SESTD1: variants seen among roughly 807,000 people sequenced by gnomAD.
The protein encoded by SESTD1 is SEC14 and spectrin domain containing 1.
SESTD1 carries 43 observed loss-of-function variants against 101.7 expected under a neutral mutation model. That is an observed-to-expected ratio of 0.42 (90% CI 0.33 to 0.55). SESTD1 has a LOEUF of 0.55. Among genes scored for constraint, SESTD1 ranks in the 20% least tolerant of loss-of-function variants. The pLI is 0.07. For missense variants in SESTD1, 647 were observed against 815.1 expected, an observed-to-expected ratio of 0.79 and a Z score of 2.51; for synonymous variants, 283 against 286.8, an observed-to-expected ratio of 0.99 and a Z score of 0.13.
chr2:179,202,034 T>C (rs2046525488), intron 1 of SESTD1, among the ~76,000 whole-genome samples: 1 of 131,716 alleles, frequency 7.6e-6, no homozygotes, highest in South Asian at 2.9e-4. Context: ...TAAGAAGGTT[T>C]GTAAAGGGAA....
At chr2:179,192,909 T>C (rs185981561) in intron 1 of SESTD1, among the ~76,000 whole-genome samples, 6 of 152,300 alleles carry the variant, frequency 3.9e-5, no homozygotes, top group Non-Finnish European at 8.8e-5. Flanking sequence ...GAGCAGTTCC[T>C]TGAAGTACAC....
At chr2:179,219,129 G>A (rs1250396276) in intron 1 of SESTD1, among the ~76,000 whole-genome samples, 3 of 152,158 alleles carry the variant, frequency 2.0e-5, no homozygotes, top group Non-Finnish European at 4.4e-5. Context: ...AGAACAGCAA[G>A]TTCTTGGTGG....
In SESTD1 at chr2:179,210,736, A is replaced by C. The variant is rs529050059; in HGVS notation, c.-25-18870T>G. 7.4e-5 allele frequency among the ~76,000 whole-genome samples: 10 copies of C among 134,928 alleles called. 3 individuals are homozygous for C. In the South Asian group the frequency reaches 2.8e-3, roughly 38 times the overall value. 88.5% of individuals were successfully genotyped at this position (134,928 alleles called of 152,430 possible). On this transcript the variant is annotated intron_variant, in intron 1 of 17. Coordinates refer to ENST00000428443, the MANE Select transcript of SESTD1 (RefSeq NM_178123.5). Reference sequence around the variant, plus strand: ...ACCCACAGCCAACATTATACTGAACAGGGAAAACTTGAAAGCATTCCCCCT... The same window carrying C: ...ACCCACAGCCAACATTATACTGAACCGGGAAAACTTGAAAGCATTCCCCCT...
In SESTD1 at chr2:179,104,970, T is replaced by A. The variant is rs1337407702; in HGVS notation, c.*4929A>T. ...TTTAAAATTCTGCAGTAATGTTGAG[T>A]CATATTAAGTGTCATACCCATGAAC... On this transcript the variant is annotated 3_prime_UTR_variant, in exon 18 of 18. Coordinates refer to ENST00000428443, the MANE Select transcript of SESTD1 (RefSeq NM_178123.5). 6.6e-6 allele frequency: 1 copy of A among 152,056 alleles called. No homozygotes were observed. The highest frequency in any genetic ancestry group is 2.4e-5 in the African/African-American group (1 of 41,400). 9.4% of individuals were successfully genotyped at this position (152,056 alleles called of 1,614,324 possible).
intron 5 of SESTD1, among the ~76,000 whole-genome samples, chr2:179,159,478 G>A (rs903491267): frequency 3.3e-5 from 5 of 152,118 alleles, no homozygotes; most frequent in Non-Finnish European, 4.4e-5. Flanking sequence ...TTTGCAGGGC[G>A]GGATTTAGGC....
At chr2:179,180,114 A>G (rs2046081619) in intron 3 of SESTD1, among the ~76,000 whole-genome samples, 1 of 152,192 alleles carries the variant, frequency 6.6e-6, no homozygotes, top group African/African-American at 2.4e-5. Flanking sequence ...TCTGAAACAC[A>G]AAACAAACTT....
intron 10 of SESTD1, 93 bp downstream of exon 10, chr2:179,132,211 A>C (rs1268378165): frequency 1.4e-6 from 2 of 1,397,762 alleles, no homozygotes; most frequent in Non-Finnish European, 1.9e-6. Context: ...CCCATACCAA[A>C]GTTTGCAGCA....
At chr2:179,131,597 G>C (rs1162839869) in intron 10 of SESTD1, among the ~76,000 whole-genome samples, 1 of 152,108 alleles carries the variant, frequency 6.6e-6, no homozygotes, top group African/African-American at 2.4e-5. Context: ...CTTAGGGAGA[G>C]GGGGGTGAGC....
chr2:179,229,768 T>TATATATATATATATATAC (rs1452303038), intron 1 of SESTD1, among the ~76,000 whole-genome samples: 3 of 125,052 alleles, frequency 2.4e-5, no homozygotes, highest in Admixed American at 7.9e-5. Context: ...TATATATATA[T>TATATATATATATATATAC]ATATATACTC....
At chr2:179,170,911 G>A (rs559449858) in intron 5 of SESTD1, among the ~76,000 whole-genome samples, 48 of 152,288 alleles carry the variant, frequency 3.2e-4, no homozygotes, top group African/African-American at 1.1e-3. Flanking sequence ...CTTGCACTTT[G>A]TGTATCACTT....
At chr2:179,153,510 T>A (rs992500871) in intron 5 of SESTD1, among the ~76,000 whole-genome samples, 4 of 152,170 alleles carry the variant, frequency 2.6e-5, no homozygotes, top group African/African-American at 2.4e-5. Flanking sequence ...GCTCTCTCTC[T>A]CACACACACT....
rs1321425054 is a variant in SESTD1 at position 179,214,195 on chromosome 2, A to G, written c.-25-22329T>C. ...AAAGACACAGACTGGCAAATTGGAT[A>G]AAGAGTCAAGACCCATCAGTGTGCT... On this transcript the variant is annotated intron_variant, in intron 1 of 17. Transcript: ENST00000428443. 7.4e-5 allele frequency among the ~76,000 whole-genome samples: 10 copies of G among 134,838 alleles called. 2 individuals carry two copies. The highest frequency in any genetic ancestry group is 1.1e-4 in the Non-Finnish European group (7 of 62,824). 88.5% of individuals were successfully genotyped at this position (134,838 alleles called of 152,430 possible).
intron 5 of SESTD1, among the ~76,000 whole-genome samples, chr2:179,151,767 T>C (rs2045535556): frequency 6.6e-6 from 1 of 152,184 alleles, no homozygotes; most frequent in African/African-American, 2.4e-5. Context: ...ATAAGCCCTA[T>C]GAAGAGTAAA....
chr2:179,192,127 T>G (rs1333585242), intron 1 of SESTD1, among the ~76,000 whole-genome samples: 1 of 152,148 alleles, frequency 6.6e-6, no homozygotes, highest in East Asian at 1.9e-4. Context: ...TGGCCAAATA[T>G]CCTCTGGTAG....
chr2:179,121,648 C>A, intron 13 of SESTD1, 122 bp downstream of exon 13: 3 of 698,384 alleles, frequency 4.3e-6, no homozygotes, highest in South Asian at 9.3e-5. Flanking sequence ...CACCAAAAAC[C>A]TACTACATGT....
In SESTD1 at chr2:179,115,110, T is replaced by A; in HGVS notation, c.1794A>T (p.Val598=). Residue 598 remains valine (V), a synonymous_variant, in exon 16 of 18, where the codon GTA becomes GTT. Coordinates refer to ENST00000428443, the MANE Select transcript of SESTD1 (RefSeq NM_178123.5). ...ATGCAATAGCCATTTCCAATCTATG[T>A]ACTCTCTCTTCAGATGCTATTGTAA... The part of the protein sequence containing the change: ...KQFTIASEER[V]HRLEMAIAFH... 6.2e-7 allele frequency: 1 copy of A among 1,611,304 alleles called. No homozygotes were observed. The highest frequency in any genetic ancestry group is 8.5e-7 in the Non-Finnish European group (1 of 1,179,434).
At chr2:179,200,255 C>T (rs1014225216) in intron 1 of SESTD1, among the ~76,000 whole-genome samples, 2 of 152,060 alleles carry the variant, frequency 1.3e-5, no homozygotes, top group African/African-American at 2.4e-5. Context: ...CAAACCACTG[C>T]TCAATGAAAT....
At chr2:179,128,381 G>A (rs1017531606) in intron 10 of SESTD1, among the ~76,000 whole-genome samples, 1 of 152,032 alleles carries the variant, frequency 6.6e-6, no homozygotes, top group Admixed American at 6.5e-5. Context: ...AAAAAAATCT[G>A]GCTAATACAT....
chr2:179,121,847 C>CTT lies in SESTD1; in HGVS notation c.1363_1364dup (p.Asp456ArgfsTer3), dbSNP rs1559099371. On this transcript the variant is annotated frameshift_variant, in exon 13 of 18. Transcript: ENST00000428443. LOFTEE classifies it high-confidence loss of function. ...TTTCTTTATTTTCAATGGTTACATC[C>CTT]TTTCCATAGGCCCAGGATGCCTGAT... 1 of 1,609,998 alleles carries CTT rather than the reference C, an allele frequency of 6.2e-7. No homozygotes were observed. The highest frequency in any genetic ancestry group is 8.5e-7 in the Non-Finnish European group (1 of 1,178,190).
Sources: allele counts gnomAD v4.1 joint callset (sites outside exome capture counted in the v4.1 genomes callset), GRCh38; gene constraint gnomAD v4.1.1; transcripts MANE v1.5; gene names NCBI Gene and HGNC (gene_info 2026-07-23, HGNC 2026-07-21).